SMCHD1: variants seen among roughly 807,000 people sequenced by gnomAD.
SMCHD1 encodes structural maintenance of chromosomes flexible hinge domain-containing protein 1.
Under a neutral mutation model 254.7 loss-of-function variants are expected in SMCHD1, and 78 were observed. The ratio of observed to expected loss-of-function variants is 0.31; its 90% CI spans 0.26 to 0.37. The LOEUF is 0.37. SMCHD1 is among the 10% of genes least tolerant of loss of function. SMCHD1 has a pLI of 1.00. For synonymous variants in SMCHD1, 766 were observed against 794.9 expected (o/e 0.96, Z 0.61); for missense variants, 1,840 against 2,408.1 (o/e 0.76, Z 4.94).
intron 7 of SMCHD1, among the ~76,000 whole-genome samples, chr18:2,689,906 C>T (rs1702723217): frequency 6.7e-6 from 1 of 149,440 alleles, no homozygotes; most frequent in South Asian, 2.1e-4. Context: ...CGCCTGTAGT[C>T]CCAGCAGCTC....
At position 2,685,094 on chromosome 18, in the gene SMCHD1, A is replaced by ATTTTTTTTTTTTTTTTTT. The variant is rs372694951; in HGVS notation, c.639-3293_639-3292insTTTTTTTTTTTTTTTTTT. On this transcript the variant is annotated intron_variant, in intron 5 of 47. Transcript: ENST00000320876. ...AGCACACTGTTCTGTTCTGTCCCTTATTTTTTTCTTTTTTTTTTTTTTTTG... is the reference window on the plus strand; with the variant it reads ...AGCACACTGTTCTGTTCTGTCCCTTATTTTTTTTTTTTTTTTTTTTTTTTTCTTTTTTTTTTTTTTTTG... Among the ~76,000 whole-genome samples, 5 of 81,880 alleles carry ATTTTTTTTTTTTTTTTTT rather than the reference A, an allele frequency of 6.1e-5. 2 individuals are homozygous for ATTTTTTTTTTTTTTTTTT. Among genetic ancestry groups the ATTTTTTTTTTTTTTTTTT allele is most frequent in the Non-Finnish European group, 6.4e-5 (3 of 46,752 alleles). 53.7% of individuals were successfully genotyped at this position (81,880 alleles called of 152,430 possible).
At chr18:2,791,658 TG>T (rs2076168710) in intron 45 of SMCHD1, among the ~76,000 whole-genome samples, 1 of 152,206 alleles carries the variant, frequency 6.6e-6, no homozygotes, top group African/African-American at 2.4e-5. Flanking sequence ...GAAGTATCCC[TG>T]TGGTTGTTTC....
At chr18:2,766,662 T>G (rs2075874501) in intron 37 of SMCHD1, among the ~76,000 whole-genome samples, 1 of 152,274 alleles carries the variant, frequency 6.6e-6, no homozygotes, top group African/African-American at 2.4e-5. Context: ...AGTTACAATC[T>G]AAATTTGTAG....
chr18:2,749,657 T>C (rs2075534850), intron 30 of SMCHD1, among the ~76,000 whole-genome samples: 1 of 152,152 alleles, frequency 6.6e-6, no homozygotes, highest in South Asian at 2.1e-4. Flanking sequence ...TTGACTTGAG[T>C]ATGTGTGTAC....
rs1290178887 is a variant in SMCHD1, at chr18:2,702,840, G to A, written c.1648-852G>A. 3.3e-5 allele frequency among the ~76,000 whole-genome samples: 5 copies of A among 152,064 alleles called. No homozygotes were observed. The South Asian group carries it at 8.3e-4, about 25-fold the overall frequency. On this transcript the variant is annotated intron_variant, in intron 12 of 47. Transcript: ENST00000320876. ...TTTCCTTTGGAAATGGTATATTATG[G>A]TATAAGGTACGTAAGAAGGAATGGA...
intron 45 of SMCHD1, among the ~76,000 whole-genome samples, chr18:2,785,579 G>A (rs1335226225): frequency 6.7e-6 from 1 of 148,218 alleles, no homozygotes; most frequent in African/African-American, 2.5e-5. Context: ...TTGAACCCAG[G>A]AGGTGGAGGT....
chr18:2,743,473 A>C (rs2055557828), intron 28 of SMCHD1, among the ~76,000 whole-genome samples: 1 of 152,180 alleles, frequency 6.6e-6, no homozygotes, highest in South Asian at 2.1e-4. Flanking sequence ...CTATTCAGGT[A>C]GCAGAAAGGA....
chr18:2,778,345 A>C, intron 44 of SMCHD1, 106 bp downstream of exon 44: 2 of 715,818 alleles, frequency 2.8e-6, no homozygotes, highest in East Asian at 5.6e-5. Flanking sequence ...AACCAATTTA[A>C]ATTCTGCAAA....
intron 40 of SMCHD1, 27 bp downstream of exon 40, chr18:2,771,645 A>T (rs1568356630): frequency 3.5e-6 from 5 of 1,426,228 alleles, no homozygotes; most frequent in South Asian, 1.5e-5. Flanking sequence ...TACGTGAAAG[A>T]TTTTTTATTA....
intron 44 of SMCHD1, among the ~76,000 whole-genome samples, chr18:2,780,530 C>T (rs574936198): frequency 3.5e-4 from 54 of 152,128 alleles, no homozygotes; most frequent in East Asian, 9.7e-4. Context: ...AGTTTGGAGA[C>T]GGTGAGAAGC....
chr18:2,658,956 A>G (rs1424684844), intron 1 of SMCHD1, among the ~76,000 whole-genome samples: 1 of 151,722 alleles, frequency 6.6e-6, no homozygotes, highest in East Asian at 1.9e-4. Flanking sequence ...ACACACACAT[A>G]TATATATTTT....
In SMCHD1 at chr18:2,798,612, A is replaced by G. The variant is rs529792955; in HGVS notation, c.5993+2091A>G. ...GTTATTCTTTGTAGAAAGTTCTTAT[A>G]TTGGTTAAATAATATGGTGTCTGGG... On this transcript the variant is annotated intron_variant, in intron 47 of 47. Transcript: ENST00000320876. 3.9e-5 allele frequency among the ~76,000 whole-genome samples: 6 copies of G among 152,340 alleles called. No individual in the cohort carries two copies. In the South Asian group the frequency reaches 1.2e-3, roughly 32 times the overall value.
chr18:2,689,317 A>G (rs2074121170), intron 7 of SMCHD1, among the ~76,000 whole-genome samples: 1 of 149,226 alleles, frequency 6.7e-6, no homozygotes, highest in African/African-American at 2.5e-5. Flanking sequence ...TCCCAGGTTC[A>G]AGATATTCTC....
chr18:2,769,121 A>G (rs1234995964), intron 37 of SMCHD1, among the ~76,000 whole-genome samples: 3 of 152,180 alleles, frequency 2.0e-5, no homozygotes, highest in Admixed American at 6.5e-5. Context: ...GTCATTTACT[A>G]GTTATATGTT....
At chr18:2,749,900 G>T in intron 30 of SMCHD1, 143 bp from the exon 31 acceptor site, 1 of 678,644 alleles carries the variant, frequency 1.5e-6, no homozygotes, top group Non-Finnish European at 2.4e-6. Context: ...AACTAGTTCA[G>T]ATTTTTAAAA....
chr18:2,716,924 G>A (rs1029219983), intron 17 of SMCHD1, among the ~76,000 whole-genome samples: 3 of 152,214 alleles, frequency 2.0e-5, no homozygotes, highest in Admixed American at 6.5e-5. Flanking sequence ...ACCCCTCCCA[G>A]TCTGGCTCTG....
chr18:2,673,958 A>C, intron 4 of SMCHD1, 57 bp from the exon 5 acceptor site: 2 of 1,484,970 alleles, frequency 1.3e-6, no homozygotes, highest in Middle Eastern at 1.7e-4. Flanking sequence ...TTAACTTTTC[A>C]TGTTTTAAGT....
At chr18:2,747,141 A>G (rs2075470127) in intron 29 of SMCHD1, among the ~76,000 whole-genome samples, 1 of 152,214 alleles carries the variant, frequency 6.6e-6, no homozygotes, top group African/African-American at 2.4e-5. Flanking sequence ...CTTACATAGC[A>G]TTTGCGTTGT....
rs755873345 is a variant in SMCHD1, at chr18:2,705,803, C to T, written c.1952C>T (p.Ala651Val). The T allele has an allele frequency of 1.7e-5, 26 of 1,565,358 alleles. No individual in the cohort carries two copies. The highest frequency in any genetic ancestry group is 4.4e-6 in the Non-Finnish European group (5 of 1,141,970). ...GCTACAGGAGGAGAGGTTCAAATTG[C>T]AATGGTAAGACAGCAAGTGATAAAA... ...VYATGGEVQI[A>V]MEPQALYDEV... is the part of the protein sequence containing the mutation. The change falls in exon 14 of 48, where the codon GCA becomes GTA. Residue 651 changes from alanine to valine, a missense_variant. Coordinates refer to ENST00000320876, the MANE Select transcript of SMCHD1 (RefSeq NM_015295.3).
Sources: gnomAD v4.1 joint callset for allele counts (sites outside exome capture counted in the v4.1 genomes callset) on GRCh38, gnomAD v4.1.1 for gene constraint, MANE v1.5 for transcripts, NCBI Gene and HGNC (gene_info 2026-07-23, HGNC 2026-07-21) for gene names.